Variants in RELN observed in about 807,000 individuals in gnomAD.
The protein encoded by RELN is reelin.
Under a neutral mutation model 427.6 loss-of-function variants are expected in RELN, and 108 were observed. That is an observed-to-expected ratio of 0.25 (90% confidence interval 0.22 to 0.30). The LOEUF is 0.30. Among genes scored for constraint, RELN ranks in the 10% least tolerant of loss-of-function variants. RELN has a pLI of 1.00. For missense variants in RELN, 3,715 were observed against 4,302.8 expected (o/e 0.86, Z 3.82); for synonymous variants, 1,524 against 1,513.4 (o/e 1.01, Z -0.16).
chr7:103,565,545 G>A lies in RELN; in HGVS notation c.4943C>T (p.Pro1648Leu), dbSNP rs749050390. ...ALIFTENIGK[P>L]RYAETWDFHV... ...AAAATCCCAGGTCTCAGCATAACGA[G>A]GTTTTCCTGAAAAAAAAAAATGTGT... is the stretch of plus-strand genomic sequence containing the variant. The change falls in exon 34 of 65, where the codon CCT becomes CTT. Residue 1648 changes from proline (P) to leucine (L), a missense_variant. Pro to Leu is a moderately conservative substitution (Grantham distance 98). This residue lies in a region of RELN where 2,208 missense variants were observed against 2,361.7 expected (regional missense o/e 0.93). Transcript: ENST00000428762. The A allele has an allele frequency of 6.2e-7, 1 of 1,602,112 alleles. No homozygotes were observed. The highest frequency in any genetic ancestry group is 8.5e-7 in the Non-Finnish European group (1 of 1,174,854).
intron 1 of RELN, among the ~76,000 whole-genome samples, chr7:103,961,606 C>G (rs557063669): frequency 6.6e-6 from 1 of 152,086 alleles, no homozygotes; most frequent in African/African-American, 2.4e-5. Flanking sequence ...TTTTGCTTTG[C>G]TTTAGAAGAC....
At chr7:103,979,444 G>C (rs1343697188) in intron 1 of RELN, among the ~76,000 whole-genome samples, 2 of 152,224 alleles carry the variant, frequency 1.3e-5, no homozygotes, top group Non-Finnish European at 2.9e-5. Flanking sequence ...TTGGAGGCAA[G>C]GGCTGGAAAG....
At chr7:103,907,358 A>G (rs932368539) in intron 2 of RELN, among the ~76,000 whole-genome samples, 7 of 134,360 alleles carry the variant, frequency 5.2e-5, no homozygotes, top group African/African-American at 1.9e-4. Flanking sequence ...GGAGGTTGCA[A>G]TAAGTTGAGA....
At chr7:103,881,520 T>C (rs1193529797) in intron 2 of RELN, among the ~76,000 whole-genome samples, 1 of 152,114 alleles carries the variant, frequency 6.6e-6, no homozygotes, top group Non-Finnish European at 1.5e-5. Flanking sequence ...TTTATGTCAT[T>C]GACCTACTTC....
At chr7:103,830,949 T>C (rs1023389331) in intron 3 of RELN, among the ~76,000 whole-genome samples, 1 of 152,126 alleles carries the variant, frequency 6.6e-6, no homozygotes, top group Non-Finnish European at 1.5e-5. Flanking sequence ...TTTTTTGTAG[T>C]CAATAAAAAC....
intron 6 of RELN, among the ~76,000 whole-genome samples, chr7:103,740,111 C>T (rs1163503346): frequency 6.6e-6 from 1 of 152,050 alleles, no homozygotes; most frequent in African/African-American, 2.4e-5. Flanking sequence ...ACTAATAAGA[C>T]ACCTGACACT....
At position 103,909,739 on chromosome 7, in the gene RELN, A is replaced by C. The variant is rs1272546867; in HGVS notation, c.337+7336T>G. ...ATATATTAAATATATTTTTTAATAT[A>C]TATAAATATATATATTAAATATATA... On this transcript the variant is annotated intron_variant, in intron 2 of 64. Coordinates refer to ENST00000428762, the MANE Select transcript of RELN (RefSeq NM_005045.4). 2.7e-3 allele frequency among the ~76,000 whole-genome samples: 86 copies of C among 32,320 alleles called. 16 individuals carry two copies. Among genetic ancestry groups the C allele is most frequent in the African/African-American group, 9.9e-3 (82 of 8,278 alleles). The allele number at this position is 32,320 out of a possible 152,430, so 21.2% of individuals were successfully genotyped here. A position where few individuals can be genotyped will look rare whatever the true frequency, so the allele number is the denominator to read the frequency against.
At chr7:103,974,770 A>G (rs905243396) in intron 1 of RELN, among the ~76,000 whole-genome samples, 2 of 152,218 alleles carry the variant, frequency 1.3e-5, no homozygotes, top group African/African-American at 4.8e-5. Flanking sequence ...TATGGAGCCA[A>G]ACGATTTTGG....
chr7:103,561,242 T>C (rs1830634425), intron 36 of RELN, among the ~76,000 whole-genome samples: 1 of 152,200 alleles, frequency 6.6e-6, no homozygotes, highest in South Asian at 2.1e-4. Context: ...AATCTTAGAC[T>C]ATGGAAATTT....
At chr7:103,871,469 T>C (rs565452382) in intron 2 of RELN, among the ~76,000 whole-genome samples, 3 of 152,234 alleles carry the variant, frequency 2.0e-5, no homozygotes, top group African/African-American at 7.2e-5. Context: ...CAAGAATGTA[T>C]TTCCCAAGCA....
chr7:103,875,049 C>G (rs1187024305), intron 2 of RELN, among the ~76,000 whole-genome samples: 1 of 144,994 alleles, frequency 6.9e-6, no homozygotes, highest in Non-Finnish European at 1.5e-5. Context: ...TCAGAAATAA[C>G]GCCGCATACC....
chr7:103,722,870 T>C (rs1790112201), intron 8 of RELN, among the ~76,000 whole-genome samples: 1 of 152,218 alleles, frequency 6.6e-6, no homozygotes, highest in African/African-American at 2.4e-5. Context: ...TAAGCCAATG[T>C]ATGCAAAATA....
At chr7:103,757,570 A>G (rs915552511) in intron 4 of RELN, among the ~76,000 whole-genome samples, 1 of 152,342 alleles carries the variant, frequency 6.6e-6, no homozygotes, top group Non-Finnish European at 1.5e-5. Flanking sequence ...AGAATGAGAA[A>G]AAACAGAAAT....
At chr7:103,694,557 G>C (rs1349676997) in intron 10 of RELN, among the ~76,000 whole-genome samples, 1 of 151,942 alleles carries the variant, frequency 6.6e-6, no homozygotes, top group Non-Finnish European at 1.5e-5. Flanking sequence ...TGAGTGCCTA[G>C]AACAGTAAGT....
At position 103,876,839 on chromosome 7, in the gene RELN, A is replaced by AT. The variant is rs60821571; in HGVS notation, c.337+40235dup. On this transcript the variant is annotated intron_variant, in intron 2 of 64. Transcript: ENST00000428762. ...TTAAAAAGCACTACTTTAGGCTTAAATTTTTTTTTTTCAAGTCAGTTACTT... is the reference window on the plus strand; with the variant it reads ...TTAAAAAGCACTACTTTAGGCTTAAATTTTTTTTTTTTCAAGTCAGTTACTT... Among the ~76,000 whole-genome samples the AT allele has an allele frequency of 1.8e-3, 274 of 150,030 alleles. 2 individuals are homozygous for AT. The highest frequency in any genetic ancestry group is 6.0e-3 in the African/African-American group (246 of 40,942).
chr7:103,862,466 T>TCTATCTATCTAC (rs1563057183), intron 2 of RELN, among the ~76,000 whole-genome samples: 2 of 147,616 alleles, frequency 1.4e-5, no homozygotes, highest in African/African-American at 4.9e-5. Flanking sequence ...TATCTATCTA[T>TCTATCTATCTAC]CTTCTCAATC....
At chr7:103,714,817 G>A (rs1003062466) in intron 8 of RELN, among the ~76,000 whole-genome samples, 4 of 152,148 alleles carry the variant, frequency 2.6e-5, no homozygotes, top group African/African-American at 9.7e-5. Flanking sequence ...TGACTGAAAG[G>A]AGCCCACAGA....
At chr7:103,617,742 C>T (rs569781567) in intron 20 of RELN, among the ~76,000 whole-genome samples, 2 of 152,002 alleles carry the variant, frequency 1.3e-5, no homozygotes, top group Non-Finnish European at 2.9e-5. Flanking sequence ...CTCCAAATCT[C>T]ATTTTGAAAT....
intron 46 of RELN, among the ~76,000 whole-genome samples, chr7:103,526,352 G>A (rs1375931099): frequency 1.3e-5 from 2 of 152,196 alleles, no homozygotes; most frequent in African/African-American, 4.8e-5. Context: ...GTACTAACAT[G>A]GGAGTTGGCC....
Sources: gnomAD v4.1 joint callset for allele counts (sites outside exome capture counted in the v4.1 genomes callset) on GRCh38, gnomAD v4.1.1 for gene constraint, gnomAD v4.1.1 regional missense constraint, MANE v1.5 for transcripts, NCBI Gene and HGNC (gene_info 2026-07-23, HGNC 2026-07-21) for gene names.